Variants in CNRIP1 observed in about 807,000 individuals in gnomAD.
CNRIP1 encodes the protein CB1 cannabinoid receptor-interacting protein 1.
In CNRIP1, 10 loss-of-function variants were observed where a neutral mutation model predicts 15.2. That is an observed-to-expected ratio of 0.66 (90% CI 0.41 to 1.12). CNRIP1 has a LOEUF of 1.12. CNRIP1 is among the 50% of genes most tolerant of loss of function. The pLI is 0.00. For missense variants in CNRIP1, 211 were observed against 214.7 expected, an observed-to-expected ratio of 0.98 and a Z score of 0.11; for synonymous variants, 91 against 83.2, an observed-to-expected ratio of 1.09 and a Z score of -0.51.
chr2:68,312,415 T>C (rs796493061), intron 2 of CNRIP1, among the ~76,000 whole-genome samples: 5 of 152,268 alleles, frequency 3.3e-5, no homozygotes, highest in African/African-American at 1.2e-4. Flanking sequence ...TATAATACGT[T>C]CATGATTAAA....
chr2:68,305,274 A>ATGTGTGTGTGTGTGTGTGTGTGTGTG (rs10601379), intron 2 of CNRIP1, among the ~76,000 whole-genome samples: 1 of 120,654 alleles, frequency 8.3e-6, no homozygotes, highest in South Asian at 2.6e-4. Context: ...ATATATATAT[A>ATGTGTGTGTGTGTGTGTGTGTGTGTG]TGTGTGTGTG....
At chr2:68,308,087 G>C (rs1671926282) in intron 2 of CNRIP1, among the ~76,000 whole-genome samples, 1 of 152,070 alleles carries the variant, frequency 6.6e-6, no homozygotes, top group African/African-American at 2.4e-5. Flanking sequence ...CAGCTATTCA[G>C]GAGTCTGAGG....
chr2:68,293,731 CAGGGCTAGT>C lies in CNRIP1; in HGVS notation c.*122_*130del. Reference sequence around the variant, plus strand: ...AGGGGAATTACACTTTCAAAATAACCAGGGCTAGTAGGTCATTAGTACCAGATGGGGAAC... The same window carrying C: ...AGGGGAATTACACTTTCAAAATAACCAGGTCATTAGTACCAGATGGGGAAC... On this transcript the variant is annotated 3_prime_UTR_variant, in exon 3 of 3. Transcript: ENST00000263655. 6.9e-7 allele frequency: 1 copy of C among 1,456,976 alleles called. No individual in the cohort carries two copies. The highest frequency in any genetic ancestry group is 2.3e-5 in the East Asian group (1 of 42,686). 90.3% of individuals were successfully genotyped at this position (1,456,976 alleles called of 1,614,324 possible).
intron 2 of CNRIP1, 194 bp downstream of exon 2, chr2:68,316,963 T>C: frequency 1.4e-6 from 1 of 696,570 alleles, no homozygotes; most frequent in East Asian, 2.6e-5. Context: ...ATCTACAGGG[T>C]CAGTCTGTCA....
At position 68,319,301 on chromosome 2, in the gene CNRIP1, G is replaced by A. The variant is rs1374902411; in HGVS notation, c.100C>T (p.Gln34Ter). 6.4e-7 allele frequency: 1 copy of A among 1,553,962 alleles called. No homozygotes were observed. Among genetic ancestry groups the A allele is most frequent in the Non-Finnish European group, 8.7e-7 (1 of 1,148,670 alleles). ...GTGAGCAGCTTGATGGTGCGGTTCT[G>A]GCCGAAGCGCTGCCCGTCCACCTTG... ...FYKVDGQRFG[Q>*]NRTIKLLTGS... The change falls in exon 1 of 3, where the codon CAG becomes TAG. Residue 34 changes from glutamine (Q) to a stop codon, truncating the protein, a stop_gained. Coordinates refer to ENST00000263655, the MANE Select transcript of CNRIP1 (RefSeq NM_015463.3). LOFTEE classifies it high-confidence loss of function.
At chr2:68,300,082 T>C (rs1671547592) in intron 2 of CNRIP1, among the ~76,000 whole-genome samples, 1 of 152,222 alleles carries the variant, frequency 6.6e-6, no homozygotes, top group Non-Finnish European at 1.5e-5. Context: ...TCCTGAATTG[T>C]TTGAGGTTTT....
At chr2:68,316,898 T>G in intron 2 of CNRIP1, 1 of 607,218 alleles carries the variant, frequency 1.6e-6, no homozygotes, top group Non-Finnish European at 2.9e-6. Flanking sequence ...AAAATGGCAA[T>G]GTAGGTTCTG....
intron 2 of CNRIP1, among the ~76,000 whole-genome samples, chr2:68,295,537 T>C (rs1671319552): frequency 6.6e-6 from 1 of 152,204 alleles, no homozygotes; most frequent in African/African-American, 2.4e-5. Flanking sequence ...CAAGTTTTGG[T>C]ATATTTATAA....
At chr2:68,305,244 CAAAAAAA>C (rs60243249) in intron 2 of CNRIP1, among the ~76,000 whole-genome samples, 4,606 of 91,490 alleles carry the variant, frequency 0.05, 183 homozygotes, top group African/African-American at 0.1. Context: ...AACTCCGTCT[CAAAAAAA>C]AAAAAAAAAT....
chr2:68,297,852 A>C (rs1361272525), intron 2 of CNRIP1, among the ~76,000 whole-genome samples: 1 of 152,176 alleles, frequency 6.6e-6, no homozygotes, highest in African/African-American at 2.4e-5. Flanking sequence ...AGGAAGATGA[A>C]TTGGAATGGT....
At chr2:68,305,721 G>C (rs1178082195) in intron 2 of CNRIP1, among the ~76,000 whole-genome samples, 4 of 151,276 alleles carry the variant, frequency 2.6e-5, no homozygotes, top group African/African-American at 9.7e-5. Context: ...GCATGAACCC[G>C]GGAGGCGGAG....
In CNRIP1 at chr2:68,293,759, G is replaced by A. The variant is rs1671244989; in HGVS notation, c.*103C>T. The A allele has an allele frequency of 1.3e-6, 2 of 1,516,336 alleles. No homozygotes were observed. Among genetic ancestry groups the A allele is most frequent in the Middle Eastern group, 1.8e-4 (1 of 5,592 alleles). 93.9% of individuals were successfully genotyped at this position (1,516,336 alleles called of 1,614,324 possible). Reference sequence around the variant, plus strand: ...GGCTAGTAGGTCATTAGTACCAGATGGGGAACAGCAATGGTGTGGCATGCC... The same window carrying A: ...GGCTAGTAGGTCATTAGTACCAGATAGGGAACAGCAATGGTGTGGCATGCC... On this transcript the variant is annotated 3_prime_UTR_variant, in exon 3 of 3. Coordinates refer to ENST00000263655, the MANE Select transcript of CNRIP1 (RefSeq NM_015463.3).
In CNRIP1 at chr2:68,319,418, G is replaced by T; in HGVS notation, c.-18C>A. On this transcript the variant is annotated 5_prime_UTR_variant, in exon 1 of 3. Transcript: ENST00000263655. Reference sequence around the variant, plus strand: ...TCCCCCATGTCTGGGCGAGGGTCTGGCGCGGCGGCTCCGGGGGGCGGAGGA... The same window carrying T: ...TCCCCCATGTCTGGGCGAGGGTCTGTCGCGGCGGCTCCGGGGGGCGGAGGA... The T allele has an allele frequency of 6.5e-7, 1 of 1,528,684 alleles. No homozygotes were observed. The highest frequency in any genetic ancestry group is 8.8e-7 in the Non-Finnish European group (1 of 1,139,154). The allele number at this position is 1,528,684 out of a possible 1,614,324, so 94.7% of individuals were successfully genotyped here.
chr2:68,309,880 A>G (rs1305357532), intron 2 of CNRIP1, among the ~76,000 whole-genome samples: 1 of 152,254 alleles, frequency 6.6e-6, no homozygotes, highest in Non-Finnish European at 1.5e-5. Flanking sequence ...TTGAAAAAGC[A>G]GACAAACCAG....
At chr2:68,300,583 C>T (rs1671567669) in intron 2 of CNRIP1, among the ~76,000 whole-genome samples, 1 of 151,742 alleles carries the variant, frequency 6.6e-6, no homozygotes, top group Non-Finnish European at 1.5e-5. Flanking sequence ...CACCATTGCA[C>T]TCCAGCCTGG....
intron 2 of CNRIP1, among the ~76,000 whole-genome samples, chr2:68,296,997 C>T (rs1471803282): frequency 6.6e-6 from 1 of 152,062 alleles, no homozygotes; most frequent in East Asian, 1.9e-4. Context: ...GAACTCCTGA[C>T]CTCAAGTGAT....
At chr2:68,291,145 G>T (rs572646683), downstream of CNRIP1, among the ~76,000 whole-genome samples, 1 of 152,298 alleles carries the variant, frequency 6.6e-6, no homozygotes, top group South Asian at 2.1e-4. Flanking sequence ...TATATGCCAG[G>T]AGCGATCACT....
chr2:68,312,285 T>C (rs796274988), intron 2 of CNRIP1, among the ~76,000 whole-genome samples: 2 of 152,166 alleles, frequency 1.3e-5, no homozygotes, highest in East Asian at 3.9e-4. Context: ...TGACCAGTGG[T>C]ATTTAACCTG....
chr2:68,293,712 A>G lies in CNRIP1; in HGVS notation c.*150T>C. 2 of 1,424,746 alleles carry G rather than the reference A, an allele frequency of 1.4e-6. No individual in the cohort carries two copies. The highest frequency in any genetic ancestry group is 1.6e-5 in the South Asian group (1 of 62,818). The allele number at this position is 1,424,746 out of a possible 1,614,324, so 88.3% of individuals were successfully genotyped here. A position where few individuals can be genotyped will look rare whatever the true frequency, so the allele number is the denominator to read the frequency against. On this transcript the variant is annotated 3_prime_UTR_variant, in exon 3 of 3. Transcript: ENST00000263655. ...GTGAGGGATATTGTGTCAGAGGGGA[A>G]TTACACTTTCAAAATAACCAGGGCT...
Sources: gnomAD v4.1 joint callset for allele counts (sites outside exome capture counted in the v4.1 genomes callset) on GRCh38, gnomAD v4.1.1 for gene constraint, MANE v1.5 for transcripts, NCBI Gene and HGNC (gene_info 2026-07-23, HGNC 2026-07-21) for gene names.